Variants in ITFG1 observed in about 807,000 individuals in gnomAD.
The protein encoded by ITFG1 is T-cell immunomodulatory protein.
In ITFG1, 34 loss-of-function variants were observed where a neutral mutation model predicts 81.8. The ratio of observed to expected loss-of-function variants is 0.42; its 90% CI spans 0.32 to 0.55. The LOEUF (loss-of-function observed/expected upper bound fraction) is 0.55, where lower values mean the gene tolerates loss of function less well. Among genes scored for constraint, ITFG1 ranks in the 20% least tolerant of loss-of-function variants. ITFG1 has a pLI of 0.17. For missense variants in ITFG1, 672 were observed against 755.4 expected (o/e 0.89, Z 1.29); for synonymous variants, 285 against 270.6 (o/e 1.05, Z -0.52).
intron 8 of ITFG1, among the ~76,000 whole-genome samples, chr16:47,340,972 G>T (rs1412313748): frequency 6.6e-6 from 1 of 151,544 alleles, no homozygotes; most frequent in Non-Finnish European, 1.5e-5. Context: ...AAAAACATAG[G>T]CTCAAAATGT....
In ITFG1 at chr16:47,269,115, C is replaced by A. The variant is rs573278639; in HGVS notation, c.1071-8420G>T. On this transcript the variant is annotated intron_variant, in intron 10 of 17. Coordinates refer to ENST00000320640, the MANE Select transcript of ITFG1 (RefSeq NM_030790.5). ...TCCCTGTTCTTACAAGGCAAGAATG[C>A]GTGCTTTCACCACTTCCACTCAGCA... Among the ~76,000 whole-genome samples the A allele has an allele frequency of 2.6e-5, 4 of 152,238 alleles. No individual in the cohort carries two copies. In the South Asian group the frequency reaches 8.3e-4, roughly 32 times the overall value.
At chr16:47,430,099 C>T (rs1188296479) in intron 5 of ITFG1, among the ~76,000 whole-genome samples, 1 of 150,224 alleles carries the variant, frequency 6.7e-6, no homozygotes, top group Non-Finnish European at 1.5e-5. Context: ...GCTCTGTCAC[C>T]CAGGTTGTAG....
At chr16:47,415,872 T>A (rs1968867534) in intron 6 of ITFG1, among the ~76,000 whole-genome samples, 1 of 152,098 alleles carries the variant, frequency 6.6e-6, no homozygotes, top group African/African-American at 2.4e-5. Context: ...GGTGGGCGGA[T>A]CACCTGAGGT....
In ITFG1 at chr16:47,158,975, C is replaced by A; in HGVS notation, c.1677G>T (p.Leu559=). ...HNVPRSWSAK[L]YLTPSNIVLL... ...GAACAATATTACTTGGTGTAAGATA[C>A]AGTTTGGCACTCCAACTGTAGATAA... The change falls in exon 17 of 18, where the codon CTG becomes CTT. Residue 559 remains leucine (L), a synonymous_variant. Transcript: ENST00000320640. The A allele has an allele frequency of 6.6e-7, 1 of 1,518,296 alleles. No homozygotes were observed. The highest frequency in any genetic ancestry group is 1.3e-5 in the South Asian group (1 of 78,458). The allele number at this position is 1,518,296 out of a possible 1,614,324, so 94.1% of individuals were successfully genotyped here.
At chr16:47,249,046 C>G (rs552251177) in intron 12 of ITFG1, among the ~76,000 whole-genome samples, 1 of 152,306 alleles carries the variant, frequency 6.6e-6, no homozygotes, top group African/African-American at 2.4e-5. Context: ...TGTTTTTTCA[C>G]TAGCTAATTT....
chr16:47,264,545 T>TACACACACACACAC (rs60424367), intron 10 of ITFG1, among the ~76,000 whole-genome samples: 4 of 136,036 alleles, frequency 2.9e-5, no homozygotes, highest in African/African-American at 8.2e-5. Context: ...TGTTCTCTAT[T>TACACACACACACAC]ACACACACAC....
At chr16:47,254,641 G>A (rs1966119259) in intron 12 of ITFG1, among the ~76,000 whole-genome samples, 1 of 152,036 alleles carries the variant, frequency 6.6e-6, no homozygotes, top group South Asian at 2.1e-4. Context: ...TAGTTTCAAG[G>A]CTTGAATAAA....
chr16:47,180,587 G>C (rs972714379), intron 14 of ITFG1, among the ~76,000 whole-genome samples: 1 of 152,182 alleles, frequency 6.6e-6, no homozygotes, highest in Non-Finnish European at 1.5e-5. Context: ...GTTTCGCTGT[G>C]TTGGCCAGGC....
intron 14 of ITFG1, among the ~76,000 whole-genome samples, chr16:47,190,639 C>T (rs1690721189): frequency 6.6e-6 from 1 of 152,188 alleles, no homozygotes; most frequent in African/African-American, 2.4e-5. Flanking sequence ...GCTTCCCGAA[C>T]ATATGTCTTT....
At chr16:47,432,790 G>C (rs1969111039) in intron 5 of ITFG1, among the ~76,000 whole-genome samples, 1 of 152,094 alleles carries the variant, frequency 6.6e-6, no homozygotes, top group Non-Finnish European at 1.5e-5. Context: ...ATTTAATAAT[G>C]ACTGATTAAC....
intron 14 of ITFG1, 43 bp downstream of exon 14, chr16:47,218,824 CT>C: frequency 1.7e-6 from 2 of 1,200,508 alleles, no homozygotes; most frequent in Non-Finnish European, 2.3e-6. Flanking sequence ...AATATATTGA[CT>C]GAAGAAGCTT....
chr16:47,258,787 C>T, intron 11 of ITFG1, 47 bp from the exon 12 acceptor site: 1 of 793,392 alleles, frequency 1.3e-6, no homozygotes, highest in South Asian at 2.0e-5. Flanking sequence ...ATTAGACCAA[C>T]TAAAAAAAAA....
chr16:47,179,214 A>G (rs1318673974), intron 14 of ITFG1, among the ~76,000 whole-genome samples: 2 of 152,234 alleles, frequency 1.3e-5, no homozygotes, highest in African/African-American at 4.8e-5. Flanking sequence ...TGACCCAGCC[A>G]TCCCATTACT....
intron 6 of ITFG1, among the ~76,000 whole-genome samples, chr16:47,396,404 CTG>C (rs904913841): frequency 3.3e-5 from 5 of 151,924 alleles, no homozygotes; most frequent in African/African-American, 9.7e-5. Flanking sequence ...CAAATTCAAA[CTG>C]TGATAGAAAT....
chr16:47,423,808 G>T (rs773553418), intron 6 of ITFG1, among the ~76,000 whole-genome samples: 25 of 152,340 alleles, frequency 1.6e-4, no homozygotes, highest in Non-Finnish European at 2.6e-4. Flanking sequence ...CTGTTAGTCT[G>T]ATCGGCTTCC....
intron 10 of ITFG1, among the ~76,000 whole-genome samples, chr16:47,288,994 A>G (rs1232396171): frequency 6.6e-6 from 1 of 152,204 alleles, no homozygotes; most frequent in Non-Finnish European, 1.5e-5. Context: ...TAGGTTTGTC[A>G]TATATATCCT....
intron 14 of ITFG1, among the ~76,000 whole-genome samples, chr16:47,174,289 T>C (rs1157845480): frequency 6.6e-6 from 1 of 152,104 alleles, no homozygotes; most frequent in Non-Finnish European, 1.5e-5. Flanking sequence ...ATACTAGATA[T>C]GAAGTATTAG....
chr16:47,398,884 A>G (rs1968624638), intron 6 of ITFG1, among the ~76,000 whole-genome samples: 1 of 152,228 alleles, frequency 6.6e-6, no homozygotes, highest in Non-Finnish European at 1.5e-5. Context: ...GGGAACATTT[A>G]TTAGAGAGAG....
chr16:47,428,853 T>G lies in ITFG1; in HGVS notation c.606A>C (p.Arg202=). The G allele has an allele frequency of 6.2e-7, 1 of 1,610,978 alleles. No individual in the cohort carries two copies. Among genetic ancestry groups the G allele is most frequent in the Non-Finnish European group, 8.5e-7 (1 of 1,178,594 alleles). Residue 202 remains arginine (R), a synonymous_variant, in exon 6 of 18, where the codon CGA becomes CGC. Transcript: ENST00000320640. ...HPALTTTSKM[R]IPHSHAFIDL... ...CAATAAATGCATGAGAATGTGGAATTCGCATTTTACTTGTAGTGGTCAATG... is the reference window on the plus strand; with the variant it reads ...CAATAAATGCATGAGAATGTGGAATGCGCATTTTACTTGTAGTGGTCAATG...
Sources: gnomAD v4.1 joint callset for allele counts (sites outside exome capture counted in the v4.1 genomes callset) on GRCh38, gnomAD v4.1.1 for gene constraint, MANE v1.5 for transcripts, NCBI Gene and HGNC (gene_info 2026-07-23, HGNC 2026-07-21) for gene names.